Variants in NLRP5 observed in about 807,000 individuals in gnomAD.
NLRP5 encodes the protein NLR family pyrin domain containing 5, also known as NACHT, LRR and PYD domains-containing protein 5.
Under a neutral mutation model 113.1 loss-of-function variants are expected in NLRP5, and 93 were observed. The ratio of observed to expected loss-of-function variants is 0.82; its 90% CI spans 0.70 to 0.98. The LOEUF is 0.98. Among genes scored for constraint, NLRP5 ranks in the 50% least tolerant of loss-of-function variants. The pLI, the probability that NLRP5 is intolerant of heterozygous loss-of-function variation, is 0.00. For synonymous variants in NLRP5, 751 were observed against 600.7 expected (o/e 1.25, Z -3.66); for missense variants, 1,808 against 1,514.3 (o/e 1.19, Z -3.22).
chr19:56,044,907 G>GT (rs1983666632), intron 11 of NLRP5, among the ~76,000 whole-genome samples: 1 of 152,154 alleles, frequency 6.6e-6, no homozygotes, highest in Non-Finnish European at 1.5e-5. Context: ...AGTTTTCCTT[G>GT]TAGAGGTCTT....
chr19:56,008,979 A>G, intron 3 of NLRP5, 126 bp downstream of exon 3: 2 of 796,896 alleles, frequency 2.5e-6, no homozygotes, highest in Non-Finnish European at 2.1e-6. Flanking sequence ...ACTACCCTAC[A>G]TTAGCTGACC....
chr19:56,052,420 C>T (rs1204915905), intron 12 of NLRP5, among the ~76,000 whole-genome samples: 1 of 152,126 alleles, frequency 6.6e-6, no homozygotes, highest in Admixed American at 6.6e-5. Context: ...AGGCACCTGC[C>T]ACCATGCCCA....
At chr19:56,040,797 C>T in intron 10 of NLRP5, 125 bp from the exon 11 acceptor site, 2 of 745,628 alleles carry the variant, frequency 2.7e-6, no homozygotes, top group East Asian at 2.7e-5. Flanking sequence ...TGCGACTTCA[C>T]CATATGTCTG....
intron 3 of NLRP5, 129 bp from the exon 4 acceptor site, chr19:56,015,613 G>T: frequency 1.6e-6 from 1 of 622,776 alleles, no homozygotes; most frequent in Admixed American, 3.2e-5. Flanking sequence ...TGAGCCAGTG[G>T]TTCTGTGCTC....
At chr19:56,017,269 T>C (rs767852951) in intron 4 of NLRP5, among the ~76,000 whole-genome samples, 2 of 152,166 alleles carry the variant, frequency 1.3e-5, no homozygotes, top group Non-Finnish European at 2.9e-5. Context: ...CTCTATGGTA[T>C]TTCCATCTTG....
chr19:55,997,066 T>A (rs1023282346), upstream of NLRP5, among the ~76,000 whole-genome samples: 2 of 152,214 alleles, frequency 1.3e-5, no homozygotes, highest in Non-Finnish European at 2.9e-5. Flanking sequence ...TGGTTTTGAT[T>A]TGCATTTCTC....
chr19:56,006,276 GGGGT>G (rs1183272215), intron 2 of NLRP5, among the ~76,000 whole-genome samples: 8 of 152,236 alleles, frequency 5.3e-5, no homozygotes, highest in South Asian at 2.1e-4. Flanking sequence ...GGTCTGTTGT[GGGGT>G]GGGGGAAGTG....
chr19:56,029,551 C>T (rs1173864549), intron 7 of NLRP5, among the ~76,000 whole-genome samples: 1 of 152,142 alleles, frequency 6.6e-6, no homozygotes, highest in Non-Finnish European at 1.5e-5. Context: ...TAGGCATAAG[C>T]TGCTGTGCCC....
chr19:56,024,794 C>G lies in NLRP5; in HGVS notation c.680-2119C>G, dbSNP rs574355326. Among the ~76,000 whole-genome samples, 7 of 151,830 alleles carry G rather than the reference C, an allele frequency of 4.6e-5. No individual in the cohort carries two copies. The East Asian group carries it at 1.2e-3, about 25-fold the overall frequency. ...ATCTTCATCAGGTGGGGAAACTGAA[C>G]AGCAGCTTGTATCAAATCATACAGA... On this transcript the variant is annotated intron_variant, in intron 6 of 14. Coordinates refer to ENST00000390649, the MANE Select transcript of NLRP5 (RefSeq NM_153447.4).
chr19:56,011,584 A>G (rs1185651646), intron 3 of NLRP5, among the ~76,000 whole-genome samples: 1 of 152,146 alleles, frequency 6.6e-6, no homozygotes, highest in Non-Finnish European at 1.5e-5. Flanking sequence ...CAAAGCCCAG[A>G]GAGACAGATT....
chr19:56,039,778 G>A (rs1486256537), intron 10 of NLRP5, among the ~76,000 whole-genome samples: 1 of 152,098 alleles, frequency 6.6e-6, no homozygotes, highest in Non-Finnish European at 1.5e-5. Flanking sequence ...GCTGTGCATG[G>A]TGGCAGGCGC....
Position 56,019,372 on chromosome 19 carries a change from C to T in NLRP5, c.596C>T (p.Ala199Val), listed in dbSNP as rs374712589. 7.6e-5 allele frequency: 122 copies of T among 1,613,794 alleles called. No homozygotes were observed. Among genetic ancestry groups the T allele is most frequent in the Non-Finnish European group, 9.8e-5 (116 of 1,179,858 alleles). Residue 199 changes from alanine (A) to valine (V), a missense_variant, in exon 5 of 15, where the codon GCC (alanine) becomes GTC (valine). Coordinates refer to ENST00000390649, the MANE Select transcript of NLRP5 (RefSeq NM_153447.4). ...TCACAAGCTATGGAACAAGAAGGTG[C>T]CACAGCAGCAGAGACAGAAGAACAA...
At chr19:55,987,293 C>G in the NLRP5 span, among the ~76,000 whole-genome samples, 2 of 152,190 alleles carry the variant, frequency 1.3e-5, no homozygotes, top group Non-Finnish European at 2.9e-5. Flanking sequence ...TCGCTTTAAC[C>G]CAGGAGGCAG....
At chr19:56,020,247 A>T in intron 5 of NLRP5, 128 bp from the exon 6 acceptor site, 1 of 1,054,466 alleles carries the variant, frequency 9.5e-7, no homozygotes, top group Non-Finnish European at 1.4e-6. Flanking sequence ...CTTCTAGTTG[A>T]GCCGGTGGTT....
At chr19:56,026,857 C>G (rs928642368) in intron 6 of NLRP5, 56 bp from the exon 7 acceptor site, 2 of 1,502,100 alleles carry the variant, frequency 1.3e-6, no homozygotes. Flanking sequence ...ATGACAGGTG[C>G]GAGCCACTGT....
In NLRP5 at chr19:56,035,567, G is replaced by A. The variant is rs112994043; in HGVS notation, c.2615+1858G>A. On this transcript the variant is annotated intron_variant, in intron 9 of 14. Coordinates refer to ENST00000390649, the MANE Select transcript of NLRP5 (RefSeq NM_153447.4). The stretch of plus-strand genomic sequence containing the variant: ...CGGAAAAGATGGATGGAGGCTATTT[G>A]GGGCCAAGGAAGGAAAAAGCATGAA... Among the ~76,000 whole-genome samples, 622 of 152,302 alleles carry A rather than the reference G, an allele frequency of 4.1e-3. 6 individuals carry two copies. Among genetic ancestry groups the A allele is most frequent in the African/African-American group, 0.014 (583 of 41,570 alleles).
intron 11 of NLRP5, among the ~76,000 whole-genome samples, chr19:56,049,437 A>T (rs978759596): frequency 1.3e-5 from 2 of 151,912 alleles, no homozygotes; most frequent in Non-Finnish European, 1.5e-5. Context: ...CACCTCAGCC[A>T]CCCAAAGTGC....
chr19:56,040,947 A>G lies in NLRP5; in HGVS notation c.2812A>G (p.Thr938Ala). The G allele has an allele frequency of 6.2e-7, 1 of 1,613,960 alleles. No homozygotes were observed. Among genetic ancestry groups the G allele is most frequent in the Non-Finnish European group, 8.5e-7 (1 of 1,179,858 alleles). Reference sequence around the variant, plus strand: ...ACTGGAGGACTGTGGCATCACAGCCACGGGTTGCCAGAGTCTGGCCTCAGC... The same window carrying G: ...ACTGGAGGACTGTGGCATCACAGCCGCGGGTTGCCAGAGTCTGGCCTCAGC... The change falls in exon 11 of 15, where the codon ACG becomes GCG. Residue 938 changes from threonine (T) to alanine (A), a missense_variant. Thr to Ala is a moderately conservative substitution (Grantham distance 58). Coordinates refer to ENST00000390649, the MANE Select transcript of NLRP5 (RefSeq NM_153447.4).
chr19:56,048,263 G>T (rs1983800364), intron 11 of NLRP5, among the ~76,000 whole-genome samples: 1 of 152,044 alleles, frequency 6.6e-6, no homozygotes, highest in Non-Finnish European at 1.5e-5. Flanking sequence ...TCTCTTTGTT[G>T]CCTGTGTACC....
Sources: allele counts gnomAD v4.1 joint callset (sites outside exome capture counted in the v4.1 genomes callset), GRCh38; gene constraint gnomAD v4.1.1; transcripts MANE v1.5; gene names NCBI Gene and HGNC (gene_info 2026-07-23, HGNC 2026-07-21).